The following RANBP2 variants were observed in gnomAD, a reference collection of about 807,000 sequenced individuals.
RANBP2 encodes the protein E3 SUMO-protein ligase RanBP2.
In RANBP2, 57 loss-of-function variants were observed where a neutral mutation model predicts 303.6. That is an observed-to-expected ratio of 0.19 (90% CI 0.15 to 0.23). RANBP2 has a LOEUF of 0.23. RANBP2 is among the 10% of genes least tolerant of loss of function. The pLI, the probability that RANBP2 is intolerant of heterozygous loss-of-function variation, is 1.00. For missense variants in RANBP2, 3,138 were observed against 3,780.8 expected (o/e 0.83, Z 4.46); for synonymous variants, 1,167 against 1,301.5 (o/e 0.90, Z 2.23).
chr2:108,958,072 G>A, the RANBP2 span, among the ~76,000 whole-genome samples: 4 of 151,928 alleles, frequency 2.6e-5, no homozygotes, highest in Non-Finnish European at 5.9e-5. Context: ...TACCATGCCC[G>A]TGAGCCTCAC....
At chr2:108,929,479 A>G in the RANBP2 span, 1 of 1,280,138 alleles carries the variant, frequency 7.8e-7, no homozygotes, top group Non-Finnish European at 1.1e-6. Context: ...AGCTGTCTCC[A>G]GAAGCTACTC....
the RANBP2 span, among the ~76,000 whole-genome samples, chr2:108,963,749 G>A: frequency 1.3e-5 from 2 of 152,332 alleles, no homozygotes; most frequent in South Asian, 4.1e-4. Context: ...GGGTATCACA[G>A]GACTGCCTGG....
the RANBP2 span, among the ~76,000 whole-genome samples, chr2:109,557,785 AT>A: frequency 6.6e-6 from 1 of 152,200 alleles, no homozygotes; most frequent in Non-Finnish European, 1.5e-5. Context: ...TTAAATAAAA[AT>A]AAAAACATTT....
At chr2:108,808,310 G>T in the RANBP2 span, among the ~76,000 whole-genome samples, 12 of 152,294 alleles carry the variant, frequency 7.9e-5, no homozygotes, top group African/African-American at 2.4e-4. Flanking sequence ...AAATACTGCT[G>T]CAGTAAACAT....
chr2:108,782,793 C>T lies in RANBP2; in HGVS notation c.9300C>T (p.Cys3100=), dbSNP rs374715746. Residue 3100 remains cysteine, a synonymous_variant, in exon 28 of 29, where the codon TGC becomes TGT. Coordinates refer to ENST00000283195, the MANE Select transcript of RANBP2 (RefSeq NM_006267.5). ...PRTAENFRAL[C]TGEKGFGFKN... is the part of the protein sequence containing the mutation. ...CTGCTGAGAACTTCAGAGCACTATG[C>T]ACTGGAGAGAAAGGCTTTGGTTTCA... The T allele has an allele frequency of 7.7e-5, 125 of 1,614,008 alleles. No individual in the cohort carries two copies. Among genetic ancestry groups the T allele is most frequent in the Non-Finnish European group, 1.0e-4 (121 of 1,180,036 alleles).
At chr2:108,793,270 T>G in the RANBP2 span, among the ~76,000 whole-genome samples, 1 of 151,278 alleles carries the variant, frequency 6.6e-6, no homozygotes, top group Non-Finnish European at 1.5e-5. Flanking sequence ...GAGGCGGAGC[T>G]TACAGTGAGC....
At chr2:108,750,060 C>T (rs573479613) in intron 9 of RANBP2, among the ~76,000 whole-genome samples, 2 of 152,358 alleles carry the variant, frequency 1.3e-5, no homozygotes, top group East Asian at 1.9e-4. Flanking sequence ...GCAGGGGAAT[C>T]GCTTCAACCC....
the RANBP2 span, chr2:108,873,339 G>A: frequency 9.8e-7 from 1 of 1,017,650 alleles, no homozygotes. Context: ...TGAAAAGAAT[G>A]AAAATCTAAA....
the RANBP2 span, chr2:108,882,358 A>G: frequency 6.6e-6 from 1 of 152,212 alleles, no homozygotes; most frequent in Non-Finnish European, 1.5e-5. Flanking sequence ...TCTGAACCAC[A>G]GTAAAGTTGA....
chr2:109,193,778 G>T, the RANBP2 span, among the ~76,000 whole-genome samples: 2 of 152,188 alleles, frequency 1.3e-5, no homozygotes, highest in Admixed American at 6.5e-5. Flanking sequence ...AAAGGGAAAA[G>T]AACATTTGTG....
the RANBP2 span, among the ~76,000 whole-genome samples, chr2:109,289,116 A>G: frequency 1.3e-5 from 2 of 152,204 alleles, no homozygotes; most frequent in Non-Finnish European, 1.5e-5. Flanking sequence ...GGATTTTCCA[A>G]GCTGTCATAT....
chr2:109,560,026 T>C, the RANBP2 span, among the ~76,000 whole-genome samples: 1 of 148,614 alleles, frequency 6.7e-6, no homozygotes, highest in Admixed American at 6.8e-5. Flanking sequence ...GTTCACGCCA[T>C]TCTCCTGCCT....
At chr2:109,155,023 A>G in the RANBP2 span, among the ~76,000 whole-genome samples, 56 of 152,270 alleles carry the variant, frequency 3.7e-4, 2 homozygotes, top group South Asian at 0.011. Context: ...TGGGTTCATA[A>G]AATAGAGTGG....
At chr2:109,658,267 G>A in the RANBP2 span, among the ~76,000 whole-genome samples, 2 of 151,544 alleles carry the variant, frequency 1.3e-5, no homozygotes, top group African/African-American at 4.8e-5. Flanking sequence ...CCAAGATGGT[G>A]AAACCCTGTC....
chr2:109,351,013 G>A, the RANBP2 span, among the ~76,000 whole-genome samples: 1 of 152,228 alleles, frequency 6.6e-6, no homozygotes, highest in Non-Finnish European at 1.5e-5. Context: ...TGTTAAAGTG[G>A]CATTAATTAA....
chr2:109,292,874 A>C, the RANBP2 span, among the ~76,000 whole-genome samples: 1 of 152,172 alleles, frequency 6.6e-6, no homozygotes, highest in Admixed American at 6.5e-5. Flanking sequence ...TTGGGATTAC[A>C]GGTGTGCACC....
chr2:109,037,016 G>T, the RANBP2 span, among the ~76,000 whole-genome samples: 1 of 152,046 alleles, frequency 6.6e-6, no homozygotes, highest in African/African-American at 2.4e-5. Context: ...ATGGTGGTGT[G>T]CACCTGTAGT....
chr2:108,938,786 T>TGGGGCCC, the RANBP2 span, among the ~76,000 whole-genome samples: 1 of 130,794 alleles, frequency 7.6e-6, no homozygotes, highest in African/African-American at 2.9e-5. Context: ...TAGGACTTCT[T>TGGGGCCC]CCCCCCCCGC....
chr2:109,135,563 G>A, the RANBP2 span, among the ~76,000 whole-genome samples: 2 of 152,190 alleles, frequency 1.3e-5, no homozygotes, highest in Admixed American at 1.3e-4. Flanking sequence ...CTTATCACGC[G>A]TGAGGCACAC....
Sources: allele counts gnomAD v4.1 joint callset (sites outside exome capture counted in the v4.1 genomes callset), GRCh38; gene constraint gnomAD v4.1.1; transcripts MANE v1.5; gene names NCBI Gene and HGNC (gene_info 2026-07-23, HGNC 2026-07-21).